Variants in SLC25A17 observed in about 807,000 individuals in gnomAD.
SLC25A17 encodes the protein peroxisomal membrane protein PMP34.
A neutral mutation model predicts 38.5 loss-of-function variants in SLC25A17; 26 were observed. That is an observed-to-expected ratio of 0.68 (90% CI 0.50 to 0.94). The LOEUF (loss-of-function observed/expected upper bound fraction) is 0.94. Among genes scored for constraint, SLC25A17 ranks in the 40% least tolerant of loss-of-function variants. The probability of loss-of-function intolerance (pLI) is 0.00; values close to 1 mark genes in which losing one functional copy is unlikely to be tolerated. For synonymous variants in SLC25A17, 139 were observed against 136.2 expected (o/e 1.02, Z -0.14); for missense variants, 333 against 372.7 (o/e 0.89, Z 0.88).
In SLC25A17 at chr22:40,779,108, G is replaced by A. The variant is rs1428094553; in HGVS notation, c.352C>T (p.Leu118=). 3 of 1,614,190 alleles carry A rather than the reference G, an allele frequency of 1.9e-6. No homozygotes were observed. Among genetic ancestry groups the A allele is most frequent in the Non-Finnish European group, 2.5e-6 (3 of 1,180,028 alleles). The part of the protein sequence containing the change: ...GFVAGVVNVL[L]TTPLWVVNTR... Reference sequence around the variant, plus strand: ...TTTACCACCCAGAGTGGAGTTGTTAGCAACACATTAACCACTCCTTTAACA... The same window carrying A: ...TTTACCACCCAGAGTGGAGTTGTTAACAACACATTAACCACTCCTTTAACA... Residue 118 remains leucine (L), a synonymous_variant, in exon 5 of 9, where the codon CTA becomes TTA. Coordinates refer to ENST00000435456, the MANE Select transcript of SLC25A17 (RefSeq NM_006358.4).
chr22:40,770,737 TG>T lies in SLC25A17; in HGVS notation c.*96del. The T allele has an allele frequency of 7.6e-7, 1 of 1,311,594 alleles. No individual in the cohort carries two copies. The highest frequency in any genetic ancestry group is 1.0e-6 in the Non-Finnish European group (1 of 965,472). The allele number at this position is 1,311,594 out of a possible 1,614,324, so 81.2% of individuals were successfully genotyped here. A position where few individuals can be genotyped will look rare whatever the true frequency, so the allele number is the denominator to read the frequency against. ...TTCAAGCCAATGAGGGTAACATTTG[TG>T]GTGGCAGGAGCCAGAGTCAAGGGAG... On this transcript the variant is annotated 3_prime_UTR_variant, in exon 9 of 9. Transcript: ENST00000435456.
chr22:40,787,606 G>A (rs962039632), intron 4 of SLC25A17, among the ~76,000 whole-genome samples: 1 of 152,180 alleles, frequency 6.6e-6, no homozygotes, highest in East Asian at 1.9e-4. Flanking sequence ...GTGCCAAGCT[G>A]CATGCAAGGA....
chr22:40,786,346 T>C (rs1354817795), intron 4 of SLC25A17, among the ~76,000 whole-genome samples: 3 of 151,222 alleles, frequency 2.0e-5, no homozygotes, highest in African/African-American at 7.3e-5. Context: ...CTGGAGATAA[T>C]TCCAGAAAGA....
At chr22:40,805,258 C>T (rs2057519914) in intron 1 of SLC25A17, among the ~76,000 whole-genome samples, 2 of 152,194 alleles carry the variant, frequency 1.3e-5, no homozygotes, top group African/African-American at 4.8e-5. Context: ...TCGCTTGAAC[C>T]TGGGAGGCAG....
chr22:40,808,022 C>G (rs1158666254), intron 1 of SLC25A17, among the ~76,000 whole-genome samples: 1 of 152,026 alleles, frequency 6.6e-6, no homozygotes, highest in African/African-American at 2.4e-5. Flanking sequence ...TGTTCACTTA[C>G]ATAAAATTAG....
Position 40,799,098 on chromosome 22 carries a change from A to G in SLC25A17, c.55-15T>C. 6.2e-7 allele frequency: 1 copy of G among 1,609,892 alleles called. No homozygotes were observed. Among genetic ancestry groups the G allele is most frequent in the Non-Finnish European group, 8.5e-7 (1 of 1,176,624 alleles). On this transcript the variant is annotated splice_polypyrimidine_tract_variant and intron_variant, in intron 1 of 8. Transcript: ENST00000435456. Reference sequence around the variant, plus strand: ...GTCACGCTTCCCTGAAAAGTTTGAAAAAGGCCATTACAGCATCACAAACAT... The same window carrying G: ...GTCACGCTTCCCTGAAAAGTTTGAAGAAGGCCATTACAGCATCACAAACAT...
chr22:40,817,211 A>G (rs938705908), intron 1 of SLC25A17: 3 of 152,152 alleles, frequency 2.0e-5, no homozygotes, highest in Admixed American at 6.6e-5. Context: ...ACCTTACTTG[A>G]CCCATCAGCA....
chr22:40,814,821 T>A (rs2057621840), intron 1 of SLC25A17, among the ~76,000 whole-genome samples: 1 of 149,608 alleles, frequency 6.7e-6, no homozygotes. Flanking sequence ...TGTTTTGTTT[T>A]GGTTTTTTTT....
Position 40,819,221 on chromosome 22 carries a change from G to A in SLC25A17, c.28C>T (p.Leu10=). 6.2e-7 allele frequency: 1 copy of A among 1,613,808 alleles called. No homozygotes were observed. Among genetic ancestry groups the A allele is most frequent in the Non-Finnish European group, 8.5e-7 (1 of 1,180,022 alleles). ...ACGGCTCCGGCCACGGCGTGGACCA[G>A]GCTTTCGTAGGACAGCACGGAAGCC... MASVLSYES[L]VHAVAGAVGS... The change falls in exon 1 of 9, where the codon CTG becomes TTG. Residue 10 remains leucine (L), a synonymous_variant. Coordinates refer to ENST00000435456, the MANE Select transcript of SLC25A17 (RefSeq NM_006358.4).
intron 7 of SLC25A17, among the ~76,000 whole-genome samples, chr22:40,775,809 TGCC>T (rs2057237659): frequency 6.6e-6 from 1 of 152,202 alleles, no homozygotes; most frequent in Admixed American, 6.5e-5. Context: ...TTGTCCTTGC[TGCC>T]GCCATGTGAA....
rs543403140 is a variant in SLC25A17 at position 40,773,943 on chromosome 22, C to T, written c.770G>A (p.Arg257Gln). 11 of 1,604,474 alleles carry T rather than the reference C, an allele frequency of 6.9e-6. No individual in the cohort carries two copies. Among genetic ancestry groups the T allele is most frequent in the South Asian group, 3.3e-5 (3 of 90,872 alleles). ...AGGCATCTACAAAGCTCACCTTACT[C>T]GTTGGTGAAGAAGATAGAGAATATT... The part of the protein sequence containing the change: ...LRNILYLLHQ[R>Q]VRRFGIMGLY... The change falls in exon 8 of 9, where the codon CGA (arginine) becomes CAA (glutamine). Residue 257 changes from arginine (R) to glutamine (Q), a missense_variant. By Grantham distance (43) the Arg-to-Gln change is conservative. Coordinates refer to ENST00000435456, the MANE Select transcript of SLC25A17 (RefSeq NM_006358.4).
At chr22:40,790,674 G>A (rs2057377999) in intron 4 of SLC25A17, among the ~76,000 whole-genome samples, 1 of 152,094 alleles carries the variant, frequency 6.6e-6, no homozygotes, top group Admixed American at 6.5e-5. Flanking sequence ...GTGGGTAATG[G>A]GATGGCAGAC....
chr22:40,778,933 C>T, intron 5 of SLC25A17, 76 bp downstream of exon 5: 2 of 1,274,694 alleles, frequency 1.6e-6, no homozygotes, highest in Admixed American at 1.8e-5. Flanking sequence ...TGTTATGTAG[C>T]TTTATGTGGC....
intron 4 of SLC25A17, chr22:40,788,950 A>G: frequency 3.2e-6 from 1 of 316,400 alleles, no homozygotes; most frequent in South Asian, 3.9e-5. Context: ...GTAGCCAACA[A>G]CGGCCACACT....
chr22:40,783,217 A>AC (rs1255996814), intron 4 of SLC25A17, among the ~76,000 whole-genome samples: 1 of 152,248 alleles, frequency 6.6e-6, no homozygotes, highest in African/African-American at 2.4e-5. Context: ...AAAATTCTTT[A>AC]ACCCAGAGTC....
Position 40,817,879 on chromosome 22 carries a change from G to C in SLC25A17, c.54+1316C>G, listed in dbSNP as rs149925164. ...CACAGGCCTCCATGCCCATCTTAAAGCAAGTCACGCAAGCGTCCATCTCAG... is the reference window on the plus strand; with the variant it reads ...CACAGGCCTCCATGCCCATCTTAAACCAAGTCACGCAAGCGTCCATCTCAG... On this transcript the variant is annotated intron_variant, in intron 1 of 8. Coordinates refer to ENST00000435456, the MANE Select transcript of SLC25A17 (RefSeq NM_006358.4). Among the ~76,000 whole-genome samples the C allele has an allele frequency of 5.0e-3, 757 of 152,274 alleles. 4 individuals carry two copies. Among genetic ancestry groups the C allele is most frequent in the African/African-American group, 0.017 (708 of 41,540 alleles).
chr22:40,776,596 A>G (rs1002239028), intron 7 of SLC25A17, among the ~76,000 whole-genome samples: 2 of 152,186 alleles, frequency 1.3e-5, no homozygotes, highest in Non-Finnish European at 2.9e-5. Flanking sequence ...GCAGAATATC[A>G]AACAAATGAA....
At chr22:40,778,427 G>C (rs1410031094) in intron 5 of SLC25A17, among the ~76,000 whole-genome samples, 1 of 152,144 alleles carries the variant, frequency 6.6e-6, no homozygotes, top group Non-Finnish European at 1.5e-5. Flanking sequence ...GCTGGTCCCA[G>C]AAAGAGGAGA....
chr22:40,818,017 G>A (rs2057659911), intron 1 of SLC25A17, among the ~76,000 whole-genome samples: 1 of 152,138 alleles, frequency 6.6e-6, no homozygotes, highest in Non-Finnish European at 1.5e-5. Flanking sequence ...TGTGAGGTAG[G>A]TATCACTTCC....
Sources: gnomAD v4.1 joint callset for allele counts (sites outside exome capture counted in the v4.1 genomes callset) on GRCh38, gnomAD v4.1.1 for gene constraint, MANE v1.5 for transcripts, NCBI Gene and HGNC (gene_info 2026-07-23, HGNC 2026-07-21) for gene names.